Variants in SMIM45 observed in about 807,000 individuals in gnomAD.
SMIM45 encodes the protein long intergenic non-protein coding RNA 634.
chr22:41,952,968 AC>A, the SMIM45 span, among the ~76,000 whole-genome samples: 1 of 151,926 alleles, frequency 6.6e-6, no homozygotes, highest in African/African-American at 2.4e-5. Flanking sequence ...ACCTTCACCA[AC>A]CCTGGCAGCA....
chr22:41,951,703 A>G, the SMIM45 span, among the ~76,000 whole-genome samples: 2 of 152,194 alleles, frequency 1.3e-5, no homozygotes, highest in African/African-American at 4.8e-5. Flanking sequence ...CGTTGAAAAC[A>G]GTGTCTGGTG....
chr22:41,948,999 A>G, the SMIM45 span, among the ~76,000 whole-genome samples: 2 of 152,176 alleles, frequency 1.3e-5, no homozygotes, highest in Non-Finnish European at 2.9e-5. Context: ...TGGGAGGCAG[A>G]GGTTGCAGTG....
At chr22:41,955,964 A>G in the SMIM45 span, among the ~76,000 whole-genome samples, 17 of 152,142 alleles carry the variant, frequency 1.1e-4, no homozygotes, top group East Asian at 3.3e-3. Context: ...TTTTACATAA[A>G]TTAACTCATT....
chr22:41,956,978 A>G, the SMIM45 span, among the ~76,000 whole-genome samples: 2 of 151,974 alleles, frequency 1.3e-5, no homozygotes, highest in Non-Finnish European at 2.9e-5. Context: ...ATGGGGTTTC[A>G]CCATATTGGC....
chr22:41,950,684 C>A, the SMIM45 span, among the ~76,000 whole-genome samples: 1 of 151,944 alleles, frequency 6.6e-6, no homozygotes, highest in African/African-American at 2.4e-5. Context: ...AGTGAAAGAG[C>A]AAGACCTTGT....
chr22:41,948,046 C>G, the SMIM45 span, among the ~76,000 whole-genome samples: 1 of 152,300 alleles, frequency 6.6e-6, no homozygotes, highest in East Asian at 1.9e-4. Flanking sequence ...ACAGAGCTGT[C>G]AGGGTCTTGC....
the SMIM45 span, among the ~76,000 whole-genome samples, chr22:41,954,256 G>C: frequency 6.9e-6 from 1 of 145,194 alleles, no homozygotes; most frequent in Admixed American, 7.1e-5. Flanking sequence ...ACCCAGGCTG[G>C]AGTGCAGTGG....
the SMIM45 span, among the ~76,000 whole-genome samples, chr22:41,953,908 G>T: frequency 5.4e-5 from 8 of 149,512 alleles, no homozygotes; most frequent in African/African-American, 2.0e-4. Context: ...CTGCCACCAC[G>T]CCTGGCTAAT....
chr22:41,957,621 G>C, the SMIM45 span: 1 of 152,964 alleles, frequency 6.5e-6, no homozygotes, highest in Admixed American at 6.5e-5. Flanking sequence ...CCTCTGGGTG[G>C]GCGGGACAGG....
At chr22:41,957,318 G>A in the SMIM45 span, among the ~76,000 whole-genome samples, 1 of 150,140 alleles carries the variant, frequency 6.7e-6, no homozygotes. Flanking sequence ...GTCAGCCTCC[G>A]GAGTAGCTGG....
At chr22:41,956,642 T>C in the SMIM45 span, among the ~76,000 whole-genome samples, 1 of 152,240 alleles carries the variant, frequency 6.6e-6, no homozygotes, top group Non-Finnish European at 1.5e-5. Context: ...CCGAGTGCCC[T>C]GCACAGGCCC....
the SMIM45 span, chr22:41,958,389 G>C: frequency 2.2e-6 from 1 of 456,654 alleles, no homozygotes; most frequent in South Asian, 1.5e-5. Context: ...GGCCAGACCA[G>C]CCGCACCCCG....
chr22:41,950,889 G>A, the SMIM45 span, among the ~76,000 whole-genome samples: 1 of 152,232 alleles, frequency 6.6e-6, no homozygotes, highest in Non-Finnish European at 1.5e-5. Context: ...CTCCTCGGAA[G>A]GCTGAGGCAG....
the SMIM45 span, chr22:41,947,130 G>T: frequency 5.1e-6 from 8 of 1,575,034 alleles, no homozygotes; most frequent in Middle Eastern, 1.7e-4. Context: ...CTTTCAAACC[G>T]CCCTGAGTCC....
chr22:41,957,360 ATTT>A, the SMIM45 span, among the ~76,000 whole-genome samples: 9 of 139,096 alleles, frequency 6.5e-5, no homozygotes, highest in Non-Finnish European at 7.7e-5. Flanking sequence ...CGCCCGGCTA[ATTT>A]TTTTTTTTTT....
chr22:41,950,383 C>T, the SMIM45 span, among the ~76,000 whole-genome samples: 1 of 152,222 alleles, frequency 6.6e-6, no homozygotes, highest in South Asian at 2.1e-4. Context: ...CCCAACTCCT[C>T]TGCTCTCCCA....
the SMIM45 span, chr22:41,958,247 G>C: frequency 2.2e-6 from 1 of 454,898 alleles, no homozygotes; most frequent in South Asian, 1.6e-5. Flanking sequence ...TGAGGCTCCG[G>C]AGCCCTCATT....
the SMIM45 span, among the ~76,000 whole-genome samples, chr22:41,948,194 C>G: frequency 4.6e-5 from 7 of 152,146 alleles, no homozygotes; most frequent in Admixed American, 1.3e-4. Flanking sequence ...GACTTTGTCA[C>G]TTTGTATGTC....
At chr22:41,955,147 T>C in the SMIM45 span, among the ~76,000 whole-genome samples, 1 of 152,080 alleles carries the variant, frequency 6.6e-6, no homozygotes, top group Non-Finnish European at 1.5e-5. Context: ...GCTGATTCTG[T>C]GCCAGGCAGA....
Sources: allele counts gnomAD v4.1 joint callset (sites outside exome capture counted in the v4.1 genomes callset), GRCh38; gene constraint gnomAD v4.1.1; transcripts MANE v1.5; gene names NCBI Gene and HGNC (gene_info 2026-07-23, HGNC 2026-07-21).